ROR2: variants seen among roughly 807,000 people sequenced by gnomAD.
The protein encoded by ROR2 is ROR family WNT receptor 2.
Under a neutral mutation model 74.9 loss-of-function variants are expected in ROR2, and 33 were observed. The ratio of observed to expected loss-of-function variants is 0.44; its 90% confidence interval spans 0.33 to 0.59. The LOEUF (loss-of-function observed/expected upper bound fraction) is 0.59. Among genes scored for constraint, ROR2 ranks in the 20% least tolerant of loss-of-function variants. The pLI is 0.02. For synonymous variants in ROR2, 586 were observed against 558.7 expected (o/e 1.05, Z -0.69); for missense variants, 1,216 against 1,313.8 (o/e 0.93, Z 1.15).
chr9:91,838,876 C>T, intron 1 of ROR2, among the ~76,000 whole-genome samples: 1 of 152,136 alleles, frequency 6.6e-6, no homozygotes, highest in East Asian at 1.9e-4. Context: ...ACAAGAAAAT[C>T]GTCTTTCGGC....
chr9:91,854,852 C>T (rs1240828565), intron 1 of ROR2, among the ~76,000 whole-genome samples: 3 of 152,144 alleles, frequency 2.0e-5, no homozygotes, highest in African/African-American at 4.8e-5. Context: ...GCATTGCCAC[C>T]GGCCATTTGG....
At chr9:91,822,873 T>C (rs1198160313) in intron 1 of ROR2, among the ~76,000 whole-genome samples, 2 of 152,142 alleles carry the variant, frequency 1.3e-5, no homozygotes, top group African/African-American at 4.8e-5. Flanking sequence ...CAATAAGTCT[T>C]CTGGCCACAG....
intron 1 of ROR2, among the ~76,000 whole-genome samples, chr9:91,850,328 C>A (rs2119251716): frequency 6.6e-6 from 1 of 152,262 alleles, no homozygotes; most frequent in Middle Eastern, 3.4e-3. Context: ...ATTGTAATCC[C>A]CAGAACCTGT....
intron 1 of ROR2, among the ~76,000 whole-genome samples, chr9:91,940,873 A>G (rs1265408494): frequency 6.6e-6 from 1 of 151,900 alleles, no homozygotes; most frequent in Non-Finnish European, 1.5e-5. Flanking sequence ...AAGTGCTGGG[A>G]TTACAGGCGT....
intron 1 of ROR2, among the ~76,000 whole-genome samples, chr9:91,866,969 T>C (rs1387044705): frequency 1.3e-5 from 2 of 152,156 alleles, no homozygotes; most frequent in African/African-American, 4.8e-5. Context: ...GAAAACCACA[T>C]AGAAAATAAA....
intron 1 of ROR2, among the ~76,000 whole-genome samples, chr9:91,846,882 A>G (rs1315683498): frequency 6.6e-6 from 1 of 152,198 alleles, no homozygotes; most frequent in East Asian, 1.9e-4. Flanking sequence ...CAATGACTTC[A>G]GGAACAGAAC....
At chr9:91,767,078 C>CA (rs1564261963) in intron 2 of ROR2, among the ~76,000 whole-genome samples, 1 of 142,416 alleles carries the variant, frequency 7.0e-6, no homozygotes, top group Non-Finnish European at 1.5e-5. Context: ...CAATGACTTA[C>CA]GGTTTTTTTT....
intron 2 of ROR2, among the ~76,000 whole-genome samples, chr9:91,774,611 G>A (rs1000598059): frequency 4.6e-5 from 7 of 152,192 alleles, no homozygotes; most frequent in Middle Eastern, 3.4e-3. Flanking sequence ...GATTTTAATC[G>A]GCTTTAATCA....
intron 1 of ROR2, among the ~76,000 whole-genome samples, chr9:91,864,259 C>T (rs1240613626): frequency 6.6e-6 from 1 of 152,174 alleles, no homozygotes; most frequent in South Asian, 2.1e-4. Context: ...GGAAAGAGAT[C>T]CACCTGTTTC....
intron 1 of ROR2, among the ~76,000 whole-genome samples, chr9:91,948,230 C>T (rs975907026): frequency 1.3e-5 from 2 of 152,194 alleles, no homozygotes; most frequent in Admixed American, 1.3e-4. Context: ...TGCGCTCAAC[C>T]CTCATGGTCT....
chr9:91,931,125 A>G (rs1450072786), intron 1 of ROR2, among the ~76,000 whole-genome samples: 1 of 152,228 alleles, frequency 6.6e-6, no homozygotes, highest in African/African-American at 2.4e-5. Context: ...TATCTCAGTA[A>G]GTGTAACTGA....
chr9:91,924,466 T>C (rs1831346543), intron 1 of ROR2, among the ~76,000 whole-genome samples: 1 of 152,194 alleles, frequency 6.6e-6, no homozygotes, highest in Admixed American at 6.5e-5. Context: ...TTTACGTGCA[T>C]TAGAGAGGCA....
chr9:91,748,804 G>A (rs1240059784), intron 4 of ROR2, among the ~76,000 whole-genome samples: 7 of 152,278 alleles, frequency 4.6e-5, no homozygotes, highest in Admixed American at 3.3e-4. Flanking sequence ...AGGCTGAGGC[G>A]TGTGGATCAC....
At chr9:91,895,632 TCAGGAGTTCAAGAC>T (rs1830517459) in intron 1 of ROR2, among the ~76,000 whole-genome samples, 1 of 152,066 alleles carries the variant, frequency 6.6e-6, no homozygotes, top group Admixed American at 6.5e-5. Flanking sequence ...TCACTTGAGG[TCAGGAGTTCAAGAC>T]CAGCCTGGCC....
intron 1 of ROR2, among the ~76,000 whole-genome samples, chr9:91,846,662 G>A (rs1828939520): frequency 6.6e-6 from 1 of 152,112 alleles, no homozygotes; most frequent in Non-Finnish European, 1.5e-5. Context: ...GCAGGCCAGA[G>A]GTTTCGGATT....
At chr9:91,833,773 C>G (rs899632416) in intron 1 of ROR2, among the ~76,000 whole-genome samples, 1 of 152,154 alleles carries the variant, frequency 6.6e-6, no homozygotes, top group Non-Finnish European at 1.5e-5. Flanking sequence ...GGAGCATCCC[C>G]TCTGCCCCAC....
At chr9:91,816,600 T>A (rs1827944542) in intron 1 of ROR2, among the ~76,000 whole-genome samples, 1 of 151,062 alleles carries the variant, frequency 6.6e-6, no homozygotes, top group African/African-American at 2.4e-5. Context: ...CTGCCAAGGC[T>A]CCCACACCAC....
chr9:91,783,191 C>T (rs1466169818), intron 1 of ROR2, among the ~76,000 whole-genome samples: 5 of 152,176 alleles, frequency 3.3e-5, no homozygotes, highest in Non-Finnish European at 7.3e-5. Flanking sequence ...TGATGACCTC[C>T]TTTTACCTTA....
chr9:91,783,510 C>T (rs1826690936), intron 1 of ROR2, among the ~76,000 whole-genome samples: 1 of 152,112 alleles, frequency 6.6e-6, no homozygotes, highest in South Asian at 2.1e-4. Flanking sequence ...CCTTCTGAGG[C>T]CAACTCTCAC....
Sources: allele counts gnomAD v4.1 joint callset (sites outside exome capture counted in the v4.1 genomes callset), GRCh38; gene constraint gnomAD v4.1.1; transcripts MANE v1.5; gene names NCBI Gene and HGNC (gene_info 2026-07-23, HGNC 2026-07-21).